The following GALNT13 variants were observed in gnomAD, a reference collection of about 807,000 sequenced individuals.
The protein encoded by GALNT13 is polypeptide N-acetylgalactosaminyltransferase 13.
Under a neutral mutation model 64.2 loss-of-function variants are expected in GALNT13, and 28 were observed. That is an observed-to-expected ratio of 0.44 (90% CI 0.32 to 0.60). GALNT13 has a LOEUF of 0.60. GALNT13 is among the 20% of genes least tolerant of loss of function. GALNT13 has a pLI of 0.05. For missense variants in GALNT13, 577 were observed against 669.8 expected, an observed-to-expected ratio of 0.86 and a Z score of 1.53; for synonymous variants, 214 against 224.6, an observed-to-expected ratio of 0.95 and a Z score of 0.42.
At chr2:153,076,253 T>C in the GALNT13 span, among the ~76,000 whole-genome samples, 25 of 152,306 alleles carry the variant, frequency 1.6e-4, no homozygotes, top group South Asian at 5.2e-3. Flanking sequence ...TGCTTGCCCA[T>C]AGCCTTGCCA....
the GALNT13 span, among the ~76,000 whole-genome samples, chr2:153,440,689 A>T: frequency 6.6e-6 from 1 of 152,114 alleles, no homozygotes; most frequent in Non-Finnish European, 1.5e-5. Flanking sequence ...ATTTGCAGTT[A>T]TCTAATGACC....
At chr2:154,220,082 A>AG (rs1221849730) in intron 4 of GALNT13, among the ~76,000 whole-genome samples, 1 of 152,084 alleles carries the variant, frequency 6.6e-6, no homozygotes, top group African/African-American at 2.4e-5. Context: ...AATTAGATAC[A>AG]GGGTACCAAA....
the GALNT13 span, among the ~76,000 whole-genome samples, chr2:153,690,261 A>G: frequency 1.3e-5 from 2 of 152,122 alleles, no homozygotes; most frequent in African/African-American, 2.4e-5. Flanking sequence ...TGCTACTTAT[A>G]CTATTTCCTG....
intron 3 of GALNT13, among the ~76,000 whole-genome samples, chr2:154,034,946 C>G (rs762182395): frequency 1.7e-4 from 26 of 152,142 alleles, no homozygotes; most frequent in Non-Finnish European, 3.5e-4. Flanking sequence ...AAATGGAATA[C>G]TTATACACGT....
chr2:154,275,878 A>T (rs1691620421), intron 8 of GALNT13, among the ~76,000 whole-genome samples: 1 of 152,234 alleles, frequency 6.6e-6, no homozygotes, highest in Non-Finnish European at 1.5e-5. Flanking sequence ...GGAGCTACCC[A>T]AGGCCGTGGG....
At chr2:154,153,360 G>C (rs1166067837) in intron 4 of GALNT13, among the ~76,000 whole-genome samples, 6 of 152,172 alleles carry the variant, frequency 3.9e-5, no homozygotes, top group Non-Finnish European at 7.3e-5. Flanking sequence ...CTCCCAGTTA[G>C]GCTGCTCGGG....
the GALNT13 span, among the ~76,000 whole-genome samples, chr2:153,684,798 G>A: frequency 6.6e-6 from 1 of 151,124 alleles, no homozygotes; most frequent in Non-Finnish European, 1.5e-5. Context: ...ATCCTCTACT[G>A]CCTCCCACCC....
At chr2:153,707,366 C>A in the GALNT13 span, among the ~76,000 whole-genome samples, 7 of 152,142 alleles carry the variant, frequency 4.6e-5, no homozygotes, top group African/African-American at 1.7e-4. Flanking sequence ...CTGAAAAAAG[C>A]CAAACCAACC....
intron 3 of GALNT13, among the ~76,000 whole-genome samples, chr2:153,969,367 T>G (rs1693595351): frequency 6.6e-6 from 1 of 151,986 alleles, no homozygotes; most frequent in African/African-American, 2.4e-5. Context: ...CCTAAAAAAA[T>G]ATGTGATTTA....
intron 8 of GALNT13, among the ~76,000 whole-genome samples, chr2:154,264,978 A>AT (rs1276953303): frequency 0.032 from 4,875 of 150,182 alleles, 208 homozygotes; most frequent in African/African-American, 0.1. Context: ...GATAAAAAAA[A>AT]ATATATATAT....
the GALNT13 span, among the ~76,000 whole-genome samples, chr2:153,430,190 A>T: frequency 6.6e-6 from 1 of 152,166 alleles, no homozygotes; most frequent in African/African-American, 2.4e-5. Flanking sequence ...GAAGATTTGT[A>T]CATACTTTGA....
chr2:153,607,585 A>G, the GALNT13 span, among the ~76,000 whole-genome samples: 10 of 152,164 alleles, frequency 6.6e-5, no homozygotes, highest in African/African-American at 2.4e-4. Context: ...AATATCTTTC[A>G]TTTCAGTTGA....
the GALNT13 span, among the ~76,000 whole-genome samples, chr2:153,416,124 G>A: frequency 1.3e-5 from 2 of 152,186 alleles, no homozygotes; most frequent in Admixed American, 1.3e-4. Context: ...TGTGGTTTAT[G>A]ATTCATAATC....
At chr2:153,316,666 C>G in the GALNT13 span, among the ~76,000 whole-genome samples, 8 of 96,024 alleles carry the variant, frequency 8.3e-5, no homozygotes, top group African/African-American at 1.5e-4. Flanking sequence ...AAAATTTGTA[C>G]AACGTGTTCA....
intron 4 of GALNT13, among the ~76,000 whole-genome samples, chr2:154,190,913 C>A (rs1481283325): frequency 1.3e-5 from 2 of 152,142 alleles, no homozygotes; most frequent in East Asian, 1.9e-4. Context: ...ACTTTATATT[C>A]TTTTATTCAT....
At chr2:153,721,952 C>T in the GALNT13 span, among the ~76,000 whole-genome samples, 24 of 149,312 alleles carry the variant, frequency 1.6e-4, no homozygotes, top group South Asian at 6.4e-4. Context: ...CTGCACCAAG[C>T]GGACCTAATA....
chr2:153,178,648 A>G, the GALNT13 span, among the ~76,000 whole-genome samples: 3 of 151,326 alleles, frequency 2.0e-5, no homozygotes, highest in Non-Finnish European at 4.4e-5. Flanking sequence ...TTTTATCCTA[A>G]TCTATGGGTT....
At chr2:154,328,518 C>G (rs1559093261) in intron 9 of GALNT13, among the ~76,000 whole-genome samples, 1 of 152,072 alleles carries the variant, frequency 6.6e-6, no homozygotes, top group Non-Finnish European at 1.5e-5. Context: ...TTTTCTGGTG[C>G]ATAGCTACCA....
the GALNT13 span, among the ~76,000 whole-genome samples, chr2:153,729,346 A>G: frequency 3.9e-5 from 6 of 152,134 alleles, no homozygotes; most frequent in African/African-American, 7.2e-5. Flanking sequence ...TGTGGATTAA[A>G]TGTTCAGTCT....
Sources: allele counts gnomAD v4.1 joint callset (sites outside exome capture counted in the v4.1 genomes callset), GRCh38; gene constraint gnomAD v4.1.1; transcripts MANE v1.5; gene names NCBI Gene and HGNC (gene_info 2026-07-23, HGNC 2026-07-21).